Variants in BRCA1 observed in about 807,000 individuals in gnomAD.
BRCA1 encodes the protein breast cancer type 1 susceptibility protein.
In BRCA1, 140 loss-of-function variants were observed where a neutral mutation model predicts 173.7. The observed-to-expected ratio is 0.81, with a 90% CI of 0.70 to 0.93. The LOEUF (loss-of-function observed/expected upper bound fraction) is 0.93. BRCA1 is among the 40% of genes least tolerant of loss of function. The pLI, the probability that BRCA1 is intolerant of heterozygous loss-of-function variation, is 0.00. For synonymous variants in BRCA1, 662 were observed against 756.0 expected, an observed-to-expected ratio of 0.88 and a Z score of 2.04; for missense variants, 1,983 against 2,172.5, an observed-to-expected ratio of 0.91 and a Z score of 1.73.
At chr17:43,079,631 A>G (rs2154112421) in intron 12 of BRCA1, 25 of 845,520 alleles carry the variant, frequency 3.0e-5, no homozygotes, top group Middle Eastern at 3.3e-4. Context: ...CGTGAAGGAA[A>G]ATGATCAGAA....
At chr17:43,050,458 A>G (rs2153017853) in intron 20 of BRCA1, among the ~76,000 whole-genome samples, 1 of 151,914 alleles carries the variant, frequency 6.6e-6, no homozygotes, top group East Asian at 1.9e-4. Flanking sequence ...AAAAAAATAC[A>G]AAAAATTAGT....
chr17:43,143,066 GTA>G (rs1165304434), intron 1 of BRCA1, among the ~76,000 whole-genome samples: 1 of 148,766 alleles, frequency 6.7e-6, no homozygotes, highest in African/African-American at 2.5e-5. Flanking sequence ...ATATATATAT[GTA>G]TATATATGTG....
chr17:43,147,156 GC>G (rs1455315658), intron 1 of BRCA1, among the ~76,000 whole-genome samples: 3 of 151,904 alleles, frequency 2.0e-5, no homozygotes, highest in Non-Finnish European at 4.4e-5. Context: ...CTGCGCCACC[GC>G]GCCCGGCTAA....
intron 19 of BRCA1, among the ~76,000 whole-genome samples, chr17:43,056,174 C>CT (rs398058724): frequency 0.018 from 2,509 of 139,806 alleles, 45 homozygotes; most frequent in African/African-American, 0.051. Flanking sequence ...ATAAAGTGAT[C>CT]TTTTTTTTTT....
At chr17:43,151,746 C>T (rs571566059) in intron 1 of BRCA1, among the ~76,000 whole-genome samples, 6 of 152,188 alleles carry the variant, frequency 3.9e-5, no homozygotes, top group Non-Finnish European at 1.5e-5. Context: ...TTTAAAAAAA[C>T]TTAGCCGCAC....
chr17:43,142,987 T>G (rs1210986183), intron 1 of BRCA1, among the ~76,000 whole-genome samples: 2 of 149,370 alleles, frequency 1.3e-5, no homozygotes, highest in African/African-American at 4.9e-5. Flanking sequence ...TGTGTATATA[T>G]ATATGTATAT....
intron 12 of BRCA1, 64 bp downstream of exon 12, chr17:43,082,337 CAGA>C (rs1188139423): frequency 1.3e-6 from 2 of 1,527,636 alleles, no homozygotes; most frequent in African/African-American, 1.4e-5. Flanking sequence ...CCTTACTCTT[CAGA>C]AGGAGATAAA....
At chr17:43,047,337 C>T (rs1026470194) in intron 22 of BRCA1, among the ~76,000 whole-genome samples, 1 of 151,740 alleles carries the variant, frequency 6.6e-6, no homozygotes, top group Non-Finnish European at 1.5e-5. Context: ...TAGGCTCCCA[C>T]CTTGACCTCC....
intron 19 of BRCA1, among the ~76,000 whole-genome samples, chr17:43,054,562 C>T (rs2051380257): frequency 6.6e-6 from 1 of 152,122 alleles, no homozygotes. Flanking sequence ...ACCTCAGCCT[C>T]CTGAGTAGCT....
rs1353603456 is a variant in BRCA1, at chr17:43,044,374, C to T, written c.*1304G>A. ...AACGTATTTTGTACAATCAAGTCTT[C>T]ACTGCCCTTGCACACTGGGGGGGCT... is the stretch of plus-strand genomic sequence containing the variant. On this transcript the variant is annotated 3_prime_UTR_variant, in exon 23 of 23. Coordinates refer to ENST00000357654, the MANE Select transcript of BRCA1 (RefSeq NM_007294.4). The T allele has an allele frequency of 2.0e-6, 1 of 504,284 alleles. No homozygotes were observed. The highest frequency in any genetic ancestry group is 3.9e-6 in the Non-Finnish European group (1 of 257,050). The allele number at this position is 504,284 out of a possible 1,614,324, so 31.2% of individuals were successfully genotyped here.
chr17:43,114,630 T>A (rs1369055747), intron 3 of BRCA1, among the ~76,000 whole-genome samples: 1 of 152,096 alleles, frequency 6.6e-6, no homozygotes, highest in African/African-American at 2.4e-5. Context: ...ATCATTGTGG[T>A]TGTCTGGGGA....
intron 11 of BRCA1, among the ~76,000 whole-genome samples, chr17:43,085,645 C>T (rs906237763): frequency 6.6e-6 from 1 of 152,074 alleles, no homozygotes; most frequent in African/African-American, 2.4e-5. Context: ...GAAAAATTCT[C>T]ATCTTTCAAG....
At chr17:43,116,708 T>C (rs1039538439) in intron 2 of BRCA1, among the ~76,000 whole-genome samples, 1 of 152,146 alleles carries the variant, frequency 6.6e-6, no homozygotes, top group Non-Finnish European at 1.5e-5. Context: ...TTAGTAGAGT[T>C]GGGGTTTCAC....
At chr17:43,059,083 T>C (rs1327065707) in intron 18 of BRCA1, among the ~76,000 whole-genome samples, 2 of 152,234 alleles carry the variant, frequency 1.3e-5, no homozygotes, top group African/African-American at 4.8e-5. Context: ...CCCATGTTCA[T>C]AGTCCTCCTT....
rs8176199 is a variant in BRCA1, at chr17:43,078,507, T to G, written c.4358-1893A>C. Among the ~76,000 whole-genome samples the G allele has an allele frequency of 0.23, 35,461 of 152,220 alleles. 4,482 individuals are homozygous for G. The highest frequency in any genetic ancestry group is 0.43 in the South Asian group (2,079 of 4,832). On this transcript the variant is annotated intron_variant, in intron 12 of 22. Coordinates refer to ENST00000357654, the MANE Select transcript of BRCA1 (RefSeq NM_007294.4). ...TATTTAATAAGTAAAAACAAATAGTTAAAAATTGCAAAAGTCTTCTATTCA... is the reference window on the plus strand; with the variant it reads ...TATTTAATAAGTAAAAACAAATAGTGAAAAATTGCAAAAGTCTTCTATTCA...
intron 2 of BRCA1, 88 bp downstream of exon 2, chr17:43,123,929 C>T (rs2055706464): frequency 9.5e-7 from 1 of 1,052,130 alleles, no homozygotes; most frequent in Non-Finnish European, 1.5e-6. Flanking sequence ...CATGTCTTTT[C>T]TTCCCTAGTA....
rs80357274 is a variant in BRCA1 at position 43,045,704 on chromosome 17, G to A, written c.5566C>T (p.Pro1856Ser). ...QCQELDTYLI[P>S]QIPHSHY The stretch of plus-strand genomic sequence containing the variant: ...CAGTAGTGGCTGTGGGGGATCTGGG[G>A]TATCAGGTAGGTGTCCAGCTCCTGG... Residue 1856 changes from proline to serine, a missense_variant, in exon 23 of 23, where the codon CCC becomes TCC. Transcript: ENST00000357654. 7 of 1,613,814 alleles carry A rather than the reference G, an allele frequency of 4.3e-6. No homozygotes were observed. In the South Asian group the frequency reaches 4.4e-5, roughly 10 times the overall value.
intron 20 of BRCA1, chr17:43,049,960 A>G (rs1183085046): frequency 2.5e-6 from 1 of 397,848 alleles, no homozygotes; most frequent in Non-Finnish European, 4.4e-6. Context: ...CCTGGTTTCC[A>G]CTATACCAAA....
chr17:43,076,102 A>G (rs1257356571), intron 13 of BRCA1, among the ~76,000 whole-genome samples: 2 of 151,730 alleles, frequency 1.3e-5, no homozygotes. Flanking sequence ...AATAATAATA[A>G]TAGTAATTAT....
Sources: allele counts gnomAD v4.1 joint callset (sites outside exome capture counted in the v4.1 genomes callset), GRCh38; gene constraint gnomAD v4.1.1; transcripts MANE v1.5; gene names NCBI Gene and HGNC (gene_info 2026-07-23, HGNC 2026-07-21).